NRP1: variants seen among roughly 807,000 people sequenced by gnomAD.
NRP1 encodes neuropilin 1, also known as neuropilin-1.
In NRP1, 35 loss-of-function variants were observed where a neutral mutation model predicts 106.7. That is an observed-to-expected ratio of 0.33 (90% CI 0.25 to 0.43). The LOEUF is 0.43. NRP1 is among the 20% of genes least tolerant of loss of function. NRP1 has a pLI of 1.00. For missense variants in NRP1, 1,024 were observed against 1,170.4 expected (o/e 0.87, Z 1.83); for synonymous variants, 437 against 417.9 (o/e 1.05, Z -0.56).
chr10:33,226,314 C>A, intron 6 of NRP1, 25 bp from the exon 7 acceptor site: 1 of 1,613,322 alleles, frequency 6.2e-7, no homozygotes, highest in South Asian at 1.1e-5. Context: ...CAAGCGTGGT[C>A]AGTGCACCAT....
rs563594298 is a variant in NRP1 at position 33,197,670 on chromosome 10, A to G, written c.1904T>C (p.Ile635Thr). The change falls in exon 12 of 17, where the codon ATA (isoleucine) becomes ACA (threonine). Residue 635 changes from isoleucine to threonine, a missense_variant. Ile to Thr is a moderately conservative substitution (Grantham distance 89). Transcript: ENST00000374867. ...GATACCTGATTGTATGGTGCTGTCTATGACCGTGGGCTTTTCTGTGGCCAG... is the reference window on the plus strand; with the variant it reads ...GATACCTGATTGTATGGTGCTGTCTGTGACCGTGGGCTTTTCTGTGGCCAG... ...TVLATEKPTV[I>T]DSTIQSEFPT... is the part of the protein sequence containing the mutation. The G allele has an allele frequency of 5.6e-6, 9 of 1,607,110 alleles. No homozygotes were observed. Among genetic ancestry groups the G allele is most frequent in the East Asian group, 2.2e-5 (1 of 44,682 alleles).
At chr10:33,329,674 C>T (rs773789450) in intron 2 of NRP1, among the ~76,000 whole-genome samples, 1 of 152,142 alleles carries the variant, frequency 6.6e-6, no homozygotes, top group Non-Finnish European at 1.5e-5. Flanking sequence ...AGATTTAAAT[C>T]GATTATTTTT....
At chr10:33,208,345 A>C (rs1837988953) in intron 9 of NRP1, among the ~76,000 whole-genome samples, 1 of 152,130 alleles carries the variant, frequency 6.6e-6, no homozygotes, top group Non-Finnish European at 1.5e-5. Flanking sequence ...GAGCCACTGC[A>C]CCTGGCATGA....
intron 2 of NRP1, among the ~76,000 whole-genome samples, chr10:33,306,218 CAG>C (rs1255743833): frequency 6.6e-6 from 1 of 152,166 alleles, no homozygotes; most frequent in African/African-American, 2.4e-5. Flanking sequence ...CTGTTCATGG[CAG>C]AGAGCTGTCT....
chr10:33,269,612 A>G (rs1359956507), intron 3 of NRP1, among the ~76,000 whole-genome samples: 1 of 152,232 alleles, frequency 6.6e-6, no homozygotes, highest in Non-Finnish European at 1.5e-5. Context: ...GACTGGTACC[A>G]GTTTGTGGTC....
chr10:33,329,833 G>C (rs1408360821), intron 2 of NRP1, among the ~76,000 whole-genome samples: 1 of 152,198 alleles, frequency 6.6e-6, no homozygotes, highest in Non-Finnish European at 1.5e-5. Flanking sequence ...AGAGAGACGA[G>C]CAAACATGTA....
intron 2 of NRP1, among the ~76,000 whole-genome samples, chr10:33,329,620 A>C (rs1848131364): frequency 6.6e-6 from 1 of 152,216 alleles, no homozygotes; most frequent in Admixed American, 6.5e-5. Context: ...CCCACTTTAA[A>C]ACTTGTGAAA....
chr10:33,283,225 G>C (rs1177889068), intron 2 of NRP1, among the ~76,000 whole-genome samples: 1 of 152,190 alleles, frequency 6.6e-6, no homozygotes, highest in Non-Finnish European at 1.5e-5. Context: ...GAGAAAAACA[G>C]ATCATGTATT....
chr10:33,188,910 A>AATATATATATATATATATATATATATAT lies in NRP1; in HGVS notation c.2063-2423_2063-2422insATATATATATATATATATATATATATAT, dbSNP rs9299704. On this transcript the variant is annotated intron_variant, in intron 13 of 16. Coordinates refer to ENST00000374867, the MANE Select transcript of NRP1 (RefSeq NM_003873.7). The stretch of plus-strand genomic sequence containing the variant: ...CCTAGGCAACAGAGACCCTGTCTTA[A>AATATATATATATATATATATATATATAT]ATATATATATATATATATATATATA... Among the ~76,000 whole-genome samples, 109 of 111,300 alleles carry AATATATATATATATATATATATATATAT rather than the reference A, an allele frequency of 9.8e-4. 1 individual carries two copies. The highest frequency in any genetic ancestry group is 1.5e-3 in the African/African-American group (37 of 24,678). 73.0% of individuals were successfully genotyped at this position (111,300 alleles called of 152,430 possible). A position where few individuals can be genotyped will look rare whatever the true frequency, so the allele number is the denominator to read the frequency against.
At position 33,277,258 on chromosome 10, in the gene NRP1, G is replaced by A. The variant is rs140719774; in HGVS notation, c.249-6402C>T. ...CAGAGAGAGACAGACACAGACAGCC[G>A]TCTTGGTGTCTGGTGAGTCCCACTG... is the stretch of plus-strand genomic sequence containing the variant. On this transcript the variant is annotated intron_variant, in intron 2 of 16. Transcript: ENST00000374867. Among the ~76,000 whole-genome samples, 154 of 152,308 alleles carry A rather than the reference G, an allele frequency of 1.0e-3. 1 individual carries two copies. The highest frequency in any genetic ancestry group is 3.1e-3 in the African/African-American group (127 of 41,574).
chr10:33,270,439 G>A (rs529905509), intron 3 of NRP1, among the ~76,000 whole-genome samples: 13 of 151,076 alleles, frequency 8.6e-5, no homozygotes, highest in Non-Finnish European at 1.2e-4. Flanking sequence ...TGATTCTCCC[G>A]CCTTAGCCTC....
chr10:33,235,400 G>A (rs112982326), intron 6 of NRP1, among the ~76,000 whole-genome samples: 12,932 of 152,264 alleles, frequency 0.085, 911 homozygotes, highest in African/African-American at 0.19. Flanking sequence ...CACTACCATT[G>A]CTCTGCATTT....
At position 33,186,236 on chromosome 10, in the gene NRP1, T is replaced by C; in HGVS notation, c.2315A>G (p.Lys772Arg). The C allele has an allele frequency of 3.1e-6, 5 of 1,607,738 alleles. No homozygotes were observed. The highest frequency in any genetic ancestry group is 4.3e-6 in the Non-Finnish European group (5 of 1,175,794). The change falls in exon 14 of 17, where the codon AAG becomes AGG. Residue 772 changes from lysine to arginine, a missense_variant. This residue lies in a region of NRP1 where 13 missense variants were observed against 34.7 expected (regional missense o/e 0.38). Coordinates refer to ENST00000374867, the MANE Select transcript of NRP1 (RefSeq NM_003873.7). ...HWKEGRVLLH[K>R]SLKLYQVIFE... ...TCATACCTGATAAAGTTTCAGAGAC[T>C]TGTGGAGCAAGACACGCCCTTCCTT...
chr10:33,306,284 T>C (rs1237304889), intron 2 of NRP1, among the ~76,000 whole-genome samples: 1 of 151,938 alleles, frequency 6.6e-6, no homozygotes, highest in Non-Finnish European at 1.5e-5. Flanking sequence ...GGACAATGAG[T>C]GTTAAACCAC....
intron 8 of NRP1, 57 bp from the exon 9 acceptor site, chr10:33,213,774 A>G: frequency 1.5e-6 from 2 of 1,290,454 alleles, no homozygotes; most frequent in Non-Finnish European, 2.2e-6. Context: ...ACTCCATGCT[A>G]AGAAATAAAA....
At chr10:33,241,042 T>C (rs895183043) in intron 6 of NRP1, among the ~76,000 whole-genome samples, 7 of 152,180 alleles carry the variant, frequency 4.6e-5, no homozygotes, top group African/African-American at 1.7e-4. Context: ...CTTGCAAAAA[T>C]GAATTTTCAA....
At chr10:33,211,324 G>A (rs1470799389) in intron 9 of NRP1, 3 of 152,180 alleles carry the variant, frequency 2.0e-5, no homozygotes, top group East Asian at 1.9e-4. Flanking sequence ...CCAGCAGCAG[G>A]AAGTTGTTGA....
At chr10:33,185,186 C>T (rs1284379609) in intron 15 of NRP1, among the ~76,000 whole-genome samples, 1 of 152,152 alleles carries the variant, frequency 6.6e-6, no homozygotes, top group Non-Finnish European at 1.5e-5. Flanking sequence ...AGAATTATGG[C>T]TTCTATGGTT....
At chr10:33,274,243 C>T (rs568613854) in intron 2 of NRP1, among the ~76,000 whole-genome samples, 68 of 152,254 alleles carry the variant, frequency 4.5e-4, no homozygotes, top group Middle Eastern at 3.4e-3. Flanking sequence ...TTAGAATCCA[C>T]GCTCCTCAAG....
Sources: gnomAD v4.1 joint callset for allele counts (sites outside exome capture counted in the v4.1 genomes callset) on GRCh38, gnomAD v4.1.1 for gene constraint, gnomAD v4.1.1 regional missense constraint, MANE v1.5 for transcripts, NCBI Gene and HGNC (gene_info 2026-07-23, HGNC 2026-07-21) for gene names.